IQSEC1: variants seen among roughly 807,000 people sequenced by gnomAD.
The protein encoded by IQSEC1 is IQ motif and Sec7 domain ArfGEF 1, also known as IQ motif and SEC7 domain-containing protein 1.
IQSEC1 carries 31 observed loss-of-function variants against 91.0 expected under a neutral mutation model. The ratio of observed to expected loss-of-function variants is 0.34; its 90% CI spans 0.26 to 0.46. The LOEUF (loss-of-function observed/expected upper bound fraction) is 0.46, where lower values mean the gene tolerates loss of function less well. IQSEC1 is among the 20% of genes least tolerant of loss of function. The pLI is 1.00. For synonymous variants in IQSEC1, 699 were observed against 662.6 expected (o/e 1.05, Z -0.84); for missense variants, 1,388 against 1,575.6 (o/e 0.88, Z 2.02).
intron 2 of IQSEC1, among the ~76,000 whole-genome samples, chr3:13,137,957 G>C (rs1174982717): frequency 6.6e-6 from 1 of 152,232 alleles, no homozygotes; most frequent in Non-Finnish European, 1.5e-5. Context: ...CCCAGTATGT[G>C]TGAATTCTGT....
chr3:13,206,119 A>G (rs62234225), intron 1 of IQSEC1, among the ~76,000 whole-genome samples: 2 of 105,684 alleles, frequency 1.9e-5, no homozygotes, highest in Middle Eastern at 6.3e-3. Context: ...CTAGCTCTCC[A>G]TCCATCCACT....
At chr3:13,217,647 T>G (rs1694576052) in intron 1 of IQSEC1, among the ~76,000 whole-genome samples, 2 of 152,206 alleles carry the variant, frequency 1.3e-5, no homozygotes, top group South Asian at 4.1e-4. Flanking sequence ...AGGCCCCATC[T>G]CCAGTTTTGT....
rs116991941 is a variant in IQSEC1, at chr3:13,005,887, G to A, written c.24-64022C>T. 1.1e-3 allele frequency among the ~76,000 whole-genome samples: 170 copies of A among 152,288 alleles called. 3 individuals are homozygous for A. In the East Asian group the frequency reaches 0.028, roughly 25 times the overall value. ...CAAGCCTCAGCTCCCTCCCTGGTCC[G>A]GTCCAGGCATCTGCACACATCACAG... is the stretch of plus-strand genomic sequence containing the variant. On this transcript the variant is annotated intron_variant, in intron 1 of 13. Coordinates refer to ENST00000613206, the MANE Select transcript of IQSEC1 (RefSeq NM_001134382.3).
intron 2 of IQSEC1, among the ~76,000 whole-genome samples, chr3:13,101,242 G>A (rs765664623): frequency 4.6e-5 from 7 of 152,294 alleles, no homozygotes; most frequent in African/African-American, 1.7e-4. Flanking sequence ...AGCACTTTGG[G>A]AGGCCGAGGT....
intron 1 of IQSEC1, among the ~76,000 whole-genome samples, chr3:13,173,380 C>T (rs886337099): frequency 3.9e-5 from 6 of 152,226 alleles, no homozygotes; most frequent in South Asian, 2.1e-4. Flanking sequence ...AATAGGACCT[C>T]AGCACCTGCA....
intron 1 of IQSEC1, among the ~76,000 whole-genome samples, chr3:13,228,597 A>C (rs377663679): frequency 2.0e-5 from 3 of 152,214 alleles, no homozygotes; most frequent in Non-Finnish European, 4.4e-5. Flanking sequence ...AATACCTTAA[A>C]ATTTTTTGAA....
intron 1 of IQSEC1, among the ~76,000 whole-genome samples, chr3:13,227,495 A>C (rs1694776853): frequency 1.3e-5 from 2 of 151,808 alleles, no homozygotes; most frequent in Non-Finnish European, 2.9e-5. Flanking sequence ...GAAGTGCAGT[A>C]ACATATGAGG....
chr3:12,984,986 G>A (rs1041224976), intron 1 of IQSEC1, among the ~76,000 whole-genome samples: 4 of 151,520 alleles, frequency 2.6e-5, no homozygotes, highest in African/African-American at 7.3e-5. Flanking sequence ...CACCACGCCC[G>A]GCTAATTTTT....
chr3:13,080,324 T>C (rs1473064801), intron 2 of IQSEC1, among the ~76,000 whole-genome samples: 8 of 151,774 alleles, frequency 5.3e-5, no homozygotes, highest in Non-Finnish European at 1.0e-4. Context: ...AACAGGTGTT[T>C]TGGGAGAAGT....
intron 1 of IQSEC1, among the ~76,000 whole-genome samples, chr3:13,281,764 C>T (rs911140717): frequency 1.3e-5 from 2 of 152,234 alleles, no homozygotes; most frequent in African/African-American, 4.8e-5. Flanking sequence ...GCCCTGACCA[C>T]GGCCACTCCC....
intron 1 of IQSEC1, among the ~76,000 whole-genome samples, chr3:13,036,092 G>A (rs1206983587): frequency 6.6e-6 from 1 of 152,226 alleles, no homozygotes; most frequent in Non-Finnish European, 1.5e-5. Context: ...ATTGAGTAGA[G>A]CAGGCTCTGC....
chr3:13,121,942 CA>C (rs1196651953), intron 2 of IQSEC1, among the ~76,000 whole-genome samples: 2 of 152,210 alleles, frequency 1.3e-5, no homozygotes, highest in Non-Finnish European at 2.9e-5. Flanking sequence ...GACCTTCATC[CA>C]GATTAAAAGT....
At chr3:13,156,248 AAAATAAAAT>A (rs1251300333) in intron 2 of IQSEC1, among the ~76,000 whole-genome samples, 4 of 152,030 alleles carry the variant, frequency 2.6e-5, no homozygotes, top group Admixed American at 1.3e-4. Flanking sequence ...ATAAAAATTA[AAAATAAAAT>A]AAATAAAATA....
chr3:13,199,798 C>T (rs933880148), intron 1 of IQSEC1, among the ~76,000 whole-genome samples: 1 of 150,180 alleles, frequency 6.7e-6, no homozygotes, highest in African/African-American at 2.5e-5. Flanking sequence ...CAAATGCTGC[C>T]AGGACCCCTG....
Position 12,899,377 on chromosome 3 carries a change from C to T in IQSEC1, c.*1606G>A, listed in dbSNP as rs749189440. On this transcript the variant is annotated 3_prime_UTR_variant, in exon 14 of 14. Coordinates refer to ENST00000613206, the MANE Select transcript of IQSEC1 (RefSeq NM_001134382.3). ...TGGGCAGGCGCCGGGGGGCAGTCCT[C>T]GGGTCCCATGGCTTAGGAGCACAGC... 2.7e-5 allele frequency: 43 copies of T among 1,612,610 alleles called. No homozygotes were observed. The highest frequency in any genetic ancestry group is 1.5e-4 in the South Asian group (14 of 91,004).
At chr3:12,984,692 A>C (rs1701635701) in intron 1 of IQSEC1, among the ~76,000 whole-genome samples, 1 of 151,984 alleles carries the variant, frequency 6.6e-6, no homozygotes, top group African/African-American at 2.4e-5. Flanking sequence ...GGAGATTTAC[A>C]TGGACAAAGA....
At chr3:13,184,993 GACAA>G (rs1038126783) in intron 1 of IQSEC1, among the ~76,000 whole-genome samples, 1 of 152,178 alleles carries the variant, frequency 6.6e-6, no homozygotes, top group Non-Finnish European at 1.5e-5. Context: ...CCTCCACACA[GACAA>G]ACAGACAAGC....
intron 2 of IQSEC1, among the ~76,000 whole-genome samples, chr3:13,094,531 G>C (rs1296602184): frequency 6.6e-6 from 1 of 152,122 alleles, no homozygotes; most frequent in Non-Finnish European, 1.5e-5. Context: ...GAAGATCTGT[G>C]TCCACTCAAC....
At chr3:13,020,265 G>A (rs937802744) in intron 1 of IQSEC1, among the ~76,000 whole-genome samples, 1 of 152,178 alleles carries the variant, frequency 6.6e-6, no homozygotes, top group Admixed American at 6.5e-5. Flanking sequence ...CAGGGGCAGG[G>A]GCAGGGGCAG....
Sources: allele counts gnomAD v4.1 joint callset (sites outside exome capture counted in the v4.1 genomes callset), GRCh38; gene constraint gnomAD v4.1.1; transcripts MANE v1.5; gene names NCBI Gene and HGNC (gene_info 2026-07-23, HGNC 2026-07-21).